TAFA2: variants seen among roughly 807,000 people sequenced by gnomAD.
TAFA2 encodes the protein chemokine-like protein TAFA-2.
Under a neutral mutation model 18.8 loss-of-function variants are expected in TAFA2, and 7 were observed. That is an observed-to-expected ratio of 0.37 (90% CI 0.21 to 0.70). TAFA2 has a LOEUF of 0.70. Ranked by LOEUF, TAFA2 falls within the 30% of genes least tolerant of loss-of-function variation. The probability of loss-of-function intolerance (pLI) is 0.53; values close to 1 mark genes in which losing one functional copy is unlikely to be tolerated. For missense variants in TAFA2, 122 were observed against 158.1 expected (o/e 0.77, Z 1.23); for synonymous variants, 60 against 54.2 (o/e 1.11, Z -0.47).
intron 1 of TAFA2, among the ~76,000 whole-genome samples, chr12:62,036,431 G>A (rs17125707): frequency 0.065 from 9,947 of 152,198 alleles, 498 homozygotes; most frequent in East Asian, 0.17. Context: ...TAGGTCAGCC[G>A]TTCCCAAAAT....
upstream of TAFA2, among the ~76,000 whole-genome samples, chr12:62,196,828 C>T (rs952538979): frequency 6.6e-6 from 1 of 152,068 alleles, no homozygotes; most frequent in African/African-American, 2.4e-5. Context: ...GGGACTTATT[C>T]AACACAGGGT....
chr12:62,258,286 G>A (rs1345084644), intron 1 of TAFA2: 1 of 152,166 alleles, frequency 6.6e-6, no homozygotes, highest in Non-Finnish European at 1.5e-5. Flanking sequence ...TAAATCTGAT[G>A]TATAATTCAA....
At chr12:62,151,895 C>G (rs1247731539) in intron 1 of TAFA2, among the ~76,000 whole-genome samples, 1 of 152,290 alleles carries the variant, frequency 6.6e-6, no homozygotes, top group East Asian at 1.9e-4. Context: ...CTATCAGATA[C>G]AGTTACCTAG....
intron 1 of TAFA2, among the ~76,000 whole-genome samples, chr12:62,006,369 T>C (rs1268835972): frequency 6.8e-6 from 1 of 147,902 alleles, no homozygotes; most frequent in African/African-American, 2.6e-5. Flanking sequence ...AAAGCGCTCC[T>C]ATAAATTTCA....
intron 4 of TAFA2, among the ~76,000 whole-genome samples, chr12:61,724,751 A>ATGTGTGTGTGTGTG (rs71083953): frequency 7.0e-5 from 8 of 114,628 alleles, no homozygotes; most frequent in African/African-American, 2.6e-4. Context: ...TGGTATGTCT[A>ATGTGTGTGTGTGTG]TGTGTGTGTG....
At chr12:61,877,924 T>TATATATACAC in intron 1 of TAFA2, among the ~76,000 whole-genome samples, 1 of 147,068 alleles carries the variant, frequency 6.8e-6, no homozygotes, top group African/African-American at 2.5e-5. Flanking sequence ...TATATATATA[T>TATATATACAC]ACACACACAC....
intron 1 of TAFA2, among the ~76,000 whole-genome samples, chr12:62,090,480 G>A (rs1428807114): frequency 1.3e-5 from 2 of 152,072 alleles, no homozygotes; most frequent in Admixed American, 6.6e-5. Context: ...AAACAGAACA[G>A]TTGGCATCAC....
At chr12:61,901,259 C>CTTTTTTTTTTTTT (rs1203233805) in intron 1 of TAFA2, among the ~76,000 whole-genome samples, 28 of 10,900 alleles carry the variant, frequency 2.6e-3, no homozygotes, top group Non-Finnish European at 2.9e-3. Context: ...TTCAATTTCA[C>CTTTTTTTTTTTTT]TTTTTTTTTT....
chr12:62,024,333 G>A (rs1334055234), intron 1 of TAFA2, among the ~76,000 whole-genome samples: 4 of 152,102 alleles, frequency 2.6e-5, no homozygotes, highest in African/African-American at 4.8e-5. Context: ...ATAGTTGCCT[G>A]GATAGAGATA....
At chr12:62,017,913 A>C (rs1387764995) in intron 1 of TAFA2, among the ~76,000 whole-genome samples, 1 of 152,194 alleles carries the variant, frequency 6.6e-6, no homozygotes, top group African/African-American at 2.4e-5. Flanking sequence ...GAATGAGTGG[A>C]AACAAATGAT....
intron 4 of TAFA2, among the ~76,000 whole-genome samples, chr12:61,727,745 C>T (rs1269051836): frequency 3.3e-5 from 5 of 151,796 alleles, no homozygotes; most frequent in Admixed American, 6.6e-5. Flanking sequence ...TTCTTTTCTT[C>T]TGCTGGGTAT....
At chr12:61,728,646 A>T (rs958088711) in intron 4 of TAFA2, among the ~76,000 whole-genome samples, 5 of 132,996 alleles carry the variant, frequency 3.8e-5, no homozygotes, top group African/African-American at 1.3e-4. Context: ...TCTCTTGAAG[A>T]CAGCAGATAC....
chr12:62,199,679 A>G (rs935466887), intron 1 of TAFA2, among the ~76,000 whole-genome samples: 1 of 152,082 alleles, frequency 6.6e-6, no homozygotes, highest in Non-Finnish European at 1.5e-5. Flanking sequence ...TGTGGATTCT[A>G]TATCTTTGCT....
chr12:61,713,833 C>A (rs750249483), intron 4 of TAFA2, among the ~76,000 whole-genome samples: 2 of 151,946 alleles, frequency 1.3e-5, no homozygotes, highest in African/African-American at 4.8e-5. Flanking sequence ...GTCATTTTAC[C>A]TTTTGTAGAC....
At chr12:62,226,183 T>C (rs2062785542) in intron 1 of TAFA2, among the ~76,000 whole-genome samples, 1 of 150,592 alleles carries the variant, frequency 6.6e-6, no homozygotes, top group Non-Finnish European at 1.5e-5. Flanking sequence ...TATATCTTTC[T>C]CTTGATTACT....
chr12:62,229,412 G>A (rs7313840), intron 1 of TAFA2, among the ~76,000 whole-genome samples: 1 of 151,952 alleles, frequency 6.6e-6, no homozygotes, highest in African/African-American at 2.4e-5. Flanking sequence ...CTTGTTGAGG[G>A]TTTTTATCAT....
intron 2 of TAFA2, among the ~76,000 whole-genome samples, chr12:61,760,068 C>A (rs1592370706): frequency 9.1e-6 from 1 of 109,842 alleles, no homozygotes. Flanking sequence ...GGCTTTCCTG[C>A]CCAGTGCTTT....
At chr12:62,237,333 G>A (rs575163475) in intron 1 of TAFA2, among the ~76,000 whole-genome samples, 1 of 152,242 alleles carries the variant, frequency 6.6e-6, no homozygotes, top group South Asian at 2.1e-4. Context: ...AGCTTCTAAT[G>A]CATTTTTCAG....
At chr12:62,159,499 A>C (rs1048206899) in intron 1 of TAFA2, among the ~76,000 whole-genome samples, 5 of 152,220 alleles carry the variant, frequency 3.3e-5, no homozygotes, top group Non-Finnish European at 5.9e-5. Flanking sequence ...TTTGAGTGTC[A>C]GAAGCCACAA....
Sources: gnomAD v4.1 joint callset for allele counts (sites outside exome capture counted in the v4.1 genomes callset) on GRCh38, gnomAD v4.1.1 for gene constraint, MANE v1.5 for transcripts, NCBI Gene and HGNC (gene_info 2026-07-23, HGNC 2026-07-21) for gene names.